The following DDX50 variants were observed in gnomAD, a reference collection of about 807,000 sequenced individuals.
DDX50 encodes the protein DExD-box helicase 50.
Under a neutral mutation model 94.8 loss-of-function variants are expected in DDX50, and 56 were observed. That is an observed-to-expected ratio of 0.59 (90% CI 0.48 to 0.74). The LOEUF is 0.74. DDX50 is among the 30% of genes least tolerant of loss of function. The pLI, the probability that DDX50 is intolerant of heterozygous loss-of-function variation, is 0.00. For missense variants in DDX50, 713 were observed against 881.2 expected (o/e 0.81, Z 2.42); for synonymous variants, 264 against 295.4 (o/e 0.89, Z 1.09).
At chr10:68,926,219 T>C (rs369377222) in intron 8 of DDX50, among the ~76,000 whole-genome samples, 4 of 105,178 alleles carry the variant, frequency 3.8e-5, no homozygotes, top group Admixed American at 2.1e-4. Context: ...TAAAGTCCTT[T>C]ATAAACAGAT....
At chr10:68,929,399 C>G (rs1842189451) in intron 8 of DDX50, among the ~76,000 whole-genome samples, 1 of 147,584 alleles carries the variant, frequency 6.8e-6, no homozygotes, top group Non-Finnish European at 1.5e-5. Flanking sequence ...TCCTTTCTTT[C>G]CTTTCTTCCT....
chr10:68,931,399 ATATATATATATG>A (rs1842261438), intron 8 of DDX50, among the ~76,000 whole-genome samples: 1 of 57,454 alleles, frequency 1.7e-5, no homozygotes, highest in African/African-American at 6.5e-5. Context: ...AAAAATATAT[ATATATATATATG>A]TATATATATA....
rs1484273046 is a variant in DDX50, at chr10:68,906,933, T to A, written c.310T>A (p.Tyr104Asn). The A allele has an allele frequency of 3.1e-6, 5 of 1,598,606 alleles. No homozygotes were observed. The highest frequency in any genetic ancestry group is 4.3e-6 in the Non-Finnish European group (5 of 1,176,466). ...KDLPNGDIDE[Y>N]EKKSKRVSSL... The stretch of plus-strand genomic sequence containing the variant: ...TCTACCAAATGGAGATATAGATGAA[T>A]ATGAAAAAAAATCAAAGCGAGTATC... The change falls in exon 2 of 15, where the codon TAT (tyrosine) becomes AAT (asparagine). Residue 104 changes from tyrosine (Y) to asparagine (N), a missense_variant. Transcript: ENST00000373585.
At chr10:68,946,067 T>C (rs942650160) in intron 14 of DDX50, among the ~76,000 whole-genome samples, 1 of 151,938 alleles carries the variant, frequency 6.6e-6, no homozygotes, top group African/African-American at 2.4e-5. Flanking sequence ...AGAATTTATT[T>C]AGAATGTATA....
Position 68,901,996 on chromosome 10 carries a change from G to C in DDX50, c.87+525G>C, listed in dbSNP as rs1471036051. ...CCAGGATTTGTCAGTGATGGAGATC[G>C]TGTGGGTTGCATTATTAATAGCCTT... On this transcript the variant is annotated intron_variant, in intron 1 of 14. Transcript: ENST00000373585. Among the ~76,000 whole-genome samples the C allele has an allele frequency of 5.9e-5, 9 of 152,056 alleles. No individual in the cohort carries two copies. The East Asian group carries it at 1.7e-3, about 29-fold the overall frequency.
At position 68,906,871 on chromosome 10, in the gene DDX50, A is replaced by G; in HGVS notation, c.248A>G (p.Asp83Gly). ...GAAGAAGGATTTAATAGACTTTCAG[A>G]TGAATTCTCCAAATCTCATAAGTCA... ...DTEEGFNRLS[D>G]EFSKSHKSRR... The change falls in exon 2 of 15, where the codon GAT becomes GGT. Residue 83 changes from aspartate (D) to glycine (G), a missense_variant. Asp to Gly is a moderately conservative substitution (Grantham distance 94). Coordinates refer to ENST00000373585, the MANE Select transcript of DDX50 (RefSeq NM_024045.2). The G allele has an allele frequency of 1.9e-6, 3 of 1,612,522 alleles. No individual in the cohort carries two copies. The highest frequency in any genetic ancestry group is 2.5e-6 in the Non-Finnish European group (3 of 1,179,734).
At chr10:68,926,289 TTAAAA>T (rs1589262076) in intron 8 of DDX50, among the ~76,000 whole-genome samples, 1 of 150,892 alleles carries the variant, frequency 6.6e-6, no homozygotes, top group African/African-American at 2.4e-5. Context: ...TTTCGTTGCT[TTAAAA>T]TATTCAGTAG....
chr10:68,911,163 G>A lies in DDX50; in HGVS notation c.556G>A (p.Gly186Arg). ...DLIAQARTGT[G>R]KTFSFAIPLI... ...AATAGCTCAAGCACGGACAGGAACA[G>A]GAAAGACATTCTCTTTTGCCATCCC... Residue 186 changes from glycine to arginine, a missense_variant, in exon 4 of 15, where the codon GGA (glycine) becomes AGA (arginine). Transcript: ENST00000373585. The A allele has an allele frequency of 6.2e-7, 1 of 1,612,614 alleles. No homozygotes were observed. The highest frequency in any genetic ancestry group is 8.5e-7 in the Non-Finnish European group (1 of 1,179,416).
At chr10:68,937,127 G>A in intron 12 of DDX50, 32 bp downstream of exon 12, 1 of 1,557,334 alleles carries the variant, frequency 6.4e-7, no homozygotes, top group Non-Finnish European at 8.7e-7. Context: ...GTACATGAGT[G>A]GGAAAAGGTT....
At chr10:68,937,127 G>C (rs778405707) in intron 12 of DDX50, 32 bp downstream of exon 12, 2 of 1,557,334 alleles carry the variant, frequency 1.3e-6, no homozygotes, top group Non-Finnish European at 1.7e-6. Context: ...GTACATGAGT[G>C]GGAAAAGGTT....
chr10:68,925,546 A>C (rs1324223822), intron 8 of DDX50, among the ~76,000 whole-genome samples: 3 of 152,184 alleles, frequency 2.0e-5, no homozygotes, highest in Non-Finnish European at 4.4e-5. Flanking sequence ...TGTCTTCCCC[A>C]GTGTCATTTT....
At chr10:68,923,764 G>A (rs532548552) in intron 8 of DDX50, among the ~76,000 whole-genome samples, 70 of 151,148 alleles carry the variant, frequency 4.6e-4, no homozygotes, top group African/African-American at 1.6e-3. Flanking sequence ...GGCTGGTCTC[G>A]AACTGCTGAC....
chr10:68,945,255 G>A (rs918866168), intron 14 of DDX50, among the ~76,000 whole-genome samples: 6 of 151,878 alleles, frequency 4.0e-5, no homozygotes, highest in African/African-American at 1.5e-4. Flanking sequence ...TTCCCAAAAA[G>A]TACCAGTATT....
intron 8 of DDX50, among the ~76,000 whole-genome samples, chr10:68,927,061 C>T (rs1339334689): frequency 4.6e-5 from 7 of 151,916 alleles, no homozygotes; most frequent in African/African-American, 1.5e-4. Flanking sequence ...TACAGGCATG[C>T]GCCACCACAC....
At chr10:68,903,052 G>A (rs1464330119) in intron 1 of DDX50, among the ~76,000 whole-genome samples, 1 of 152,162 alleles carries the variant, frequency 6.6e-6, no homozygotes, top group Non-Finnish European at 1.5e-5. Flanking sequence ...AACTATGAAA[G>A]ATAACCAGAG....
Position 68,901,326 on chromosome 10 carries a change from G to GTCGCTGCC in DDX50, c.-58_-51dup, listed in dbSNP as rs201358666. The GTCGCTGCC allele has an allele frequency of 7.6e-3, 11,129 of 1,460,276 alleles. 54 individuals carry two copies. The highest frequency in any genetic ancestry group is 0.021 in the Middle Eastern group (89 of 4,200). 90.5% of individuals were successfully genotyped at this position (1,460,276 alleles called of 1,614,324 possible). ...CCTTGCCCCCGCTTCCTTTCACGCT[G>GTCGCTGCC]TCGCTGCCCGTAGGTGGTTGTGGCC... On this transcript the variant is annotated 5_prime_UTR_variant, in exon 1 of 15. Transcript: ENST00000373585.
chr10:68,936,437 C>T (rs905196251), intron 11 of DDX50, among the ~76,000 whole-genome samples: 2 of 124,470 alleles, frequency 1.6e-5, no homozygotes, highest in Non-Finnish European at 1.6e-5. Context: ...TGCAGGGAAT[C>T]GAGAGTGCAC....
At chr10:68,915,045 A>G (rs534359054) in intron 7 of DDX50, among the ~76,000 whole-genome samples, 2 of 147,698 alleles carry the variant, frequency 1.4e-5, no homozygotes, top group African/African-American at 2.5e-5. Flanking sequence ...AAACCACAGA[A>G]GTCAGAAGAA....
intron 8 of DDX50, among the ~76,000 whole-genome samples, chr10:68,931,001 A>C (rs937520720): frequency 6.6e-6 from 1 of 152,122 alleles, no homozygotes; most frequent in African/African-American, 2.4e-5. Context: ...CTCATCCTTC[A>C]GATCTCAGTC....
Sources: allele counts gnomAD v4.1 joint callset (sites outside exome capture counted in the v4.1 genomes callset), GRCh38; gene constraint gnomAD v4.1.1; transcripts MANE v1.5; gene names NCBI Gene and HGNC (gene_info 2026-07-23, HGNC 2026-07-21).